Variants in SOS2 observed in about 807,000 individuals in gnomAD.
SOS2 encodes the protein SOS Ras/Rho guanine nucleotide exchange factor 2.
A neutral mutation model predicts 148.2 loss-of-function variants in SOS2; 65 were observed. The ratio of observed to expected loss-of-function variants is 0.44; its 90% CI spans 0.36 to 0.54. SOS2 has a LOEUF of 0.54. Among genes scored for constraint, SOS2 ranks in the 20% least tolerant of loss-of-function variants. The pLI is 0.00. For synonymous variants in SOS2, 539 were observed against 537.1 expected, an observed-to-expected ratio of 1.00 and a Z score of -0.05; for missense variants, 1,341 against 1,590.2, an observed-to-expected ratio of 0.84 and a Z score of 2.67.
Position 50,159,912 on chromosome 14 carries a change from C to A in SOS2, c.1371G>T (p.Arg457=), listed in dbSNP as rs771583077. 6.8e-6 allele frequency: 11 copies of A among 1,613,964 alleles called. No homozygotes were observed. The highest frequency in any genetic ancestry group is 1.7e-6 in the Non-Finnish European group (2 of 1,179,994). Residue 457 remains arginine (R), a synonymous_variant, in exon 10 of 23, where the codon CGG becomes CGT. Coordinates refer to ENST00000216373, the MANE Select transcript of SOS2 (RefSeq NM_006939.4). ...PLTRIGAKHE[R]HIFLFDGLMI... ...TTAAGCCATCAAACAGAAAAATATG[C>A]CGTTCATGTTTGGCACCGATTCTTG...
At chr14:50,187,606 C>T (rs1192494292) in intron 5 of SOS2, among the ~76,000 whole-genome samples, 1 of 151,994 alleles carries the variant, frequency 6.6e-6, no homozygotes, top group Non-Finnish European at 1.5e-5. Flanking sequence ...GCCTTGGCCT[C>T]CCAAAGTGCT....
At chr14:50,179,791 CATTTT>C (rs925718736) in intron 7 of SOS2, among the ~76,000 whole-genome samples, 6 of 152,196 alleles carry the variant, frequency 3.9e-5, no homozygotes, top group South Asian at 4.1e-4. Flanking sequence ...CACTTATTTT[CATTTT>C]ATCTAAGTGT....
chr14:50,122,091 A>C (rs1883532830), intron 21 of SOS2, among the ~76,000 whole-genome samples: 1 of 152,180 alleles, frequency 6.6e-6, no homozygotes, highest in African/African-American at 2.4e-5. Context: ...TAAATCAATC[A>C]GAGTAATCCC....
intron 1 of SOS2, among the ~76,000 whole-genome samples, chr14:50,221,669 T>A (rs1286061749): frequency 1.3e-5 from 2 of 152,112 alleles, no homozygotes; most frequent in African/African-American, 2.4e-5. Flanking sequence ...AAAGAAAGCA[T>A]CTTTAAGATT....
At chr14:50,169,253 T>C (rs1442082719) in intron 8 of SOS2, among the ~76,000 whole-genome samples, 1 of 151,448 alleles carries the variant, frequency 6.6e-6, no homozygotes, top group Non-Finnish European at 1.5e-5. Context: ...GAGGTGGAGG[T>C]TGCAGTAAGC....
chr14:50,179,186 C>A (rs933466935), intron 7 of SOS2, among the ~76,000 whole-genome samples: 5 of 151,924 alleles, frequency 3.3e-5, no homozygotes, highest in African/African-American at 1.2e-4. Context: ...GTAGTGTTTT[C>A]ATAAAGAATG....
chr14:50,124,747 G>A (rs904667803), intron 21 of SOS2, among the ~76,000 whole-genome samples: 1 of 152,088 alleles, frequency 6.6e-6, no homozygotes, highest in African/African-American at 2.4e-5. Context: ...TCTTTACAAG[G>A]TATACTTCCT....
chr14:50,157,270 G>C, intron 11 of SOS2, 149 bp from the exon 12 acceptor site: 1 of 771,914 alleles, frequency 1.3e-6, no homozygotes, highest in East Asian at 3.0e-5. Context: ...ACAAAAAACT[G>C]TCCTTTGGCT....
At position 50,178,670 on chromosome 14, in the gene SOS2, GCATATATATATATA is replaced by G. The variant is rs1236130150; in HGVS notation, c.969+1888_969+1901del. Among the ~76,000 whole-genome samples, 677 of 67,980 alleles carry G rather than the reference GCATATATATATATA, an allele frequency of 1.0e-2. 23 individuals are homozygous for G. Among genetic ancestry groups the G allele is most frequent in the Middle Eastern group, 0.037 (3 of 80 alleles). The allele number at this position is 67,980 out of a possible 152,430, so 44.6% of individuals were successfully genotyped here. A position where few individuals can be genotyped will look rare whatever the true frequency, so the allele number is the denominator to read the frequency against. On this transcript the variant is annotated intron_variant, in intron 7 of 22. Transcript: ENST00000216373. Reference sequence around the variant, plus strand: ...CTAGTGTGTGTGTGTGTGTGTGTGTGCATATATATATATATATATATATATATATATATATATAT... The same window carrying G: ...CTAGTGTGTGTGTGTGTGTGTGTGTGTATATATATATATATATATATATAT...
chr14:50,204,250 G>C, intron 2 of SOS2, 34 bp downstream of exon 2: 1 of 1,449,804 alleles, frequency 6.9e-7, no homozygotes, highest in African/African-American at 1.4e-5. Flanking sequence ...TACAGTGGTT[G>C]AGTGACTTTT....
At chr14:50,164,617 C>T (rs115549039) in intron 8 of SOS2, among the ~76,000 whole-genome samples, 2,068 of 148,956 alleles carry the variant, frequency 0.014, 52 homozygotes, top group African/African-American at 0.049. Context: ...GGTGATAAGG[C>T]GAGATTCTGT....
chr14:50,168,560 A>T (rs1885241905), intron 8 of SOS2, among the ~76,000 whole-genome samples: 1 of 152,046 alleles, frequency 6.6e-6, no homozygotes, highest in Non-Finnish European at 1.5e-5. Context: ...TCCTTTGCTC[A>T]TTTTTTTAGT....
intron 12 of SOS2, among the ~76,000 whole-genome samples, chr14:50,155,340 A>G (rs1884779532): frequency 6.6e-6 from 1 of 152,146 alleles, no homozygotes; most frequent in African/African-American, 2.4e-5. Context: ...ACTACTTGCA[A>G]TACAATGCCT....
At chr14:50,142,900 C>T (rs1324768522) in intron 16 of SOS2, among the ~76,000 whole-genome samples, 2 of 152,110 alleles carry the variant, frequency 1.3e-5, no homozygotes, top group Non-Finnish European at 1.5e-5. Flanking sequence ...ATTGTAAAAA[C>T]GCACATTCCC....
At chr14:50,223,660 C>T (rs566208150) in intron 1 of SOS2, among the ~76,000 whole-genome samples, 32 of 151,674 alleles carry the variant, frequency 2.1e-4, no homozygotes, top group Non-Finnish European at 3.8e-4. Context: ...GGCAAAAAAG[C>T]GAGACTCCAT....
Position 50,192,143 on chromosome 14 carries a change from CAAAAAAA to C in SOS2, c.511-3450_511-3444del, listed in dbSNP as rs201836422. ...CTCCGGCTTAGGTGAGTCCTTGTCA[CAAAAAAA>C]AAAAAAAAAAAAAAAAAAAAAAAAA... On this transcript the variant is annotated intron_variant, in intron 4 of 22. Coordinates refer to ENST00000216373, the MANE Select transcript of SOS2 (RefSeq NM_006939.4). 3.6e-3 allele frequency among the ~76,000 whole-genome samples: 424 copies of C among 118,582 alleles called. 2 individuals carry two copies. The highest frequency in any genetic ancestry group is 0.014 in the African/African-American group (384 of 28,444). 77.8% of individuals were successfully genotyped at this position (118,582 alleles called of 152,430 possible).
intron 8 of SOS2, among the ~76,000 whole-genome samples, chr14:50,168,424 A>G (rs1433343125): frequency 2.0e-5 from 3 of 151,944 alleles, no homozygotes; most frequent in Non-Finnish European, 4.4e-5. Context: ...GTCTCACTAT[A>G]TTGCCCAGGC....
At chr14:50,209,283 G>C (rs956589258) in intron 1 of SOS2, among the ~76,000 whole-genome samples, 3 of 87,374 alleles carry the variant, frequency 3.4e-5, no homozygotes, top group African/African-American at 1.2e-4. Flanking sequence ...TCGTGTGTGT[G>C]TGTGTGTGTG....
chr14:50,189,061 T>TCTCACACA (rs754710630), intron 4 of SOS2, among the ~76,000 whole-genome samples: 1 of 128,688 alleles, frequency 7.8e-6, no homozygotes, highest in Non-Finnish European at 1.6e-5. Context: ...CGAGACTCCA[T>TCTCACACA]CACACACACA....
Sources: gnomAD v4.1 joint callset for allele counts (sites outside exome capture counted in the v4.1 genomes callset) on GRCh38, gnomAD v4.1.1 for gene constraint, MANE v1.5 for transcripts, NCBI Gene and HGNC (gene_info 2026-07-23, HGNC 2026-07-21) for gene names.